Variants in ARID1A observed in about 807,000 individuals in gnomAD.
ARID1A encodes AT-rich interaction domain 1A, also known as AT-rich interactive domain-containing protein 1A.
In ARID1A, 20 loss-of-function variants were observed where a neutral mutation model predicts 212.6. The ratio of observed to expected loss-of-function variants is 0.09; its 90% CI spans 0.07 to 0.14. The LOEUF is 0.14. ARID1A is among the 10% of genes least tolerant of loss of function. The pLI, the probability that ARID1A is intolerant of heterozygous loss-of-function variation, is 1.00. For missense variants in ARID1A, 2,587 were observed against 3,059.0 expected (o/e 0.85, Z 3.64); for synonymous variants, 1,376 against 1,222.1 (o/e 1.13, Z -2.63).
chr1:26,776,074 C>A, intron 19 of ARID1A: 2 of 366,066 alleles, frequency 5.5e-6, no homozygotes, highest in South Asian at 4.2e-5. Flanking sequence ...TTCATGAACT[C>A]CTGAGTTCAA....
chr1:26,706,585 C>T (rs149249575), intron 1 of ARID1A, among the ~76,000 whole-genome samples: 17 of 152,272 alleles, frequency 1.1e-4, no homozygotes, highest in South Asian at 2.1e-4. Context: ...GCAAATTCAG[C>T]CACGTGGTAG....
intron 1 of ARID1A, 98 bp downstream of exon 1, chr1:26,697,638 C>G (rs1308225897): frequency 8.6e-7 from 1 of 1,161,062 alleles, no homozygotes; most frequent in African/African-American, 1.6e-5. Context: ...CCCCTCAGTC[C>G]CGGGCCCCCA....
In ARID1A at chr1:26,782,028, A is replaced by G. The variant is rs1356760783; in HGVS notation, c.*1272A>G. Reference sequence around the variant, plus strand: ...TTTTTTTCCTTTTTTGGCTTAATGAATATCATTTATTCAGTATGAAATCTT... The same window carrying G: ...TTTTTTTCCTTTTTTGGCTTAATGAGTATCATTTATTCAGTATGAAATCTT... On this transcript the variant is annotated 3_prime_UTR_variant, in exon 20 of 20. Coordinates refer to ENST00000324856, the MANE Select transcript of ARID1A (RefSeq NM_006015.6). The G allele has an allele frequency of 1.3e-5, 3 of 232,138 alleles. No homozygotes were observed. The highest frequency in any genetic ancestry group is 6.1e-5 in the East Asian group (1 of 16,286). 14.4% of individuals were successfully genotyped at this position (232,138 alleles called of 1,614,324 possible).
At chr1:26,776,829 A>G (rs868425112) in intron 19 of ARID1A, among the ~76,000 whole-genome samples, 1 of 152,170 alleles carries the variant, frequency 6.6e-6, no homozygotes, top group African/African-American at 2.4e-5. Flanking sequence ...AGGTATGGCC[A>G]TTTAGGGATG....
chr1:26,697,319 C>T lies in ARID1A; in HGVS notation c.916C>T (p.Arg306Trp). 1 of 1,343,614 alleles carries T rather than the reference C, an allele frequency of 7.4e-7. No homozygotes were observed. Among genetic ancestry groups the T allele is most frequent in the Non-Finnish European group, 9.5e-7 (1 of 1,053,884 alleles). The allele number at this position is 1,343,614 out of a possible 1,614,324, so 83.2% of individuals were successfully genotyped here. ...ACTGCTCACGTCGCCCAGCTCGGCCCGGGGCTACCAGGGCTACCCCGGGGG... is the reference window on the plus strand; with the variant it reads ...ACTGCTCACGTCGCCCAGCTCGGCCTGGGGCTACCAGGGCTACCCCGGGGG... ...NQLLTSPSSA[R>W]GYQGYPGGDY... Residue 306 changes from arginine (R) to tryptophan (W), a missense_variant, in exon 1 of 20, where the codon CGG becomes TGG. Physicochemically the swap from Arg to Trp is moderately radical, Grantham distance 101. This residue lies in a region of ARID1A where 735 missense variants were observed against 590.6 expected (regional missense o/e 1.24). Transcript: ENST00000324856.
At chr1:26,704,248 TG>T (rs1420669696) in intron 1 of ARID1A, among the ~76,000 whole-genome samples, 1 of 152,210 alleles carries the variant, frequency 6.6e-6, no homozygotes, top group Non-Finnish European at 1.5e-5. Context: ...GTTAAGTTCT[TG>T]GCTAGTTCAG....
chr1:26,758,813 A>G (rs771395407), intron 4 of ARID1A, among the ~76,000 whole-genome samples: 6 of 152,132 alleles, frequency 3.9e-5, no homozygotes, highest in Non-Finnish European at 5.9e-5. Flanking sequence ...AAAGTATGCT[A>G]TGGCATACCT....
intron 19 of ARID1A, among the ~76,000 whole-genome samples, chr1:26,777,491 C>T (rs890168841): frequency 4.0e-5 from 6 of 151,536 alleles, no homozygotes; most frequent in African/African-American, 1.5e-4. Context: ...CTCAGCCTCT[C>T]AAAGTACTAG....
At chr1:26,736,731 C>T (rs1159649662) in intron 4 of ARID1A, among the ~76,000 whole-genome samples, 11 of 150,682 alleles carry the variant, frequency 7.3e-5, no homozygotes, top group East Asian at 1.9e-4. Context: ...GGAGAAACCC[C>T]GTCTCTACTA....
intron 4 of ARID1A, among the ~76,000 whole-genome samples, chr1:26,752,123 A>C (rs1557602995): frequency 6.6e-6 from 1 of 152,204 alleles, no homozygotes; most frequent in Non-Finnish European, 1.5e-5. Flanking sequence ...TTGGTCCTAC[A>C]CTAAAAGGGT....
At chr1:26,768,272 C>G (rs977856685) in intron 11 of ARID1A, among the ~76,000 whole-genome samples, 1 of 152,182 alleles carries the variant, frequency 6.6e-6, no homozygotes, top group African/African-American at 2.4e-5. Context: ...TGTGGGCATT[C>G]TGATTCCATG....
In ARID1A at chr1:26,766,521, G is replaced by A. The variant is rs2124081828; in HGVS notation, c.2943G>A (p.Met981Ile). Residue 981 changes from methionine (M) to isoleucine (I), a missense_variant, in exon 10 of 20, where the codon ATG becomes ATA. Physicochemically the swap from Met to Ile is conservative, Grantham distance 10. Around this residue, in one of 11 missense-constraint regions of ARID1A, gnomAD observed 674 missense variants for 813.4 expected, o/e 0.83. Transcript: ENST00000324856. ...TAAAGTTAACTCCAGCCACCAAAAT[G>A]AACAACAAGGCAGATGGGACACCCA... ...GDVKLTPATK[M>I]NNKADGTPKT... 1.9e-6 allele frequency: 3 copies of A among 1,613,864 alleles called. No homozygotes were observed. The highest frequency in any genetic ancestry group is 2.5e-6 in the Non-Finnish European group (3 of 1,179,902).
At chr1:26,729,960 T>C in intron 2 of ARID1A, 97 bp downstream of exon 2, 12 of 1,409,316 alleles carry the variant, frequency 8.5e-6, no homozygotes, top group Non-Finnish European at 1.2e-5. Context: ...CCAAGCCTCT[T>C]GACAGGAATG....
intron 11 of ARID1A, among the ~76,000 whole-genome samples, chr1:26,768,584 G>A (rs529321766): frequency 6.6e-6 from 1 of 152,152 alleles, no homozygotes; most frequent in Non-Finnish European, 1.5e-5. Context: ...AGTAGAGATA[G>A]GATTTCAGGA....
At chr1:26,711,188 A>T (rs2080450262) in intron 1 of ARID1A, among the ~76,000 whole-genome samples, 1 of 151,412 alleles carries the variant, frequency 6.6e-6, no homozygotes, top group Non-Finnish European at 1.5e-5. Context: ...AGCTCATTGC[A>T]ACCTCCGCCT....
At chr1:26,749,071 A>G (rs1453441308) in intron 4 of ARID1A, among the ~76,000 whole-genome samples, 1 of 152,136 alleles carries the variant, frequency 6.6e-6, no homozygotes, top group Non-Finnish European at 1.5e-5. Flanking sequence ...AGGCTGAGGC[A>G]GGAGAATGGT....
At chr1:26,709,615 T>A (rs886317014) in intron 1 of ARID1A, among the ~76,000 whole-genome samples, 7 of 150,690 alleles carry the variant, frequency 4.6e-5, no homozygotes, top group Admixed American at 4.0e-4. Context: ...TACATCTGAG[T>A]TACTGTAATG....
At chr1:26,747,040 CAAA>C (rs1157679010) in intron 4 of ARID1A, among the ~76,000 whole-genome samples, 7 of 151,476 alleles carry the variant, frequency 4.6e-5, no homozygotes, top group Admixed American at 2.6e-4. Context: ...GACTCCGTGT[CAAA>C]AAAACAAAAC....
chr1:26,721,448 C>T (rs2080564340), intron 1 of ARID1A, among the ~76,000 whole-genome samples: 1 of 152,142 alleles, frequency 6.6e-6, no homozygotes, highest in African/African-American at 2.4e-5. Context: ...ATGATCCGCC[C>T]TCCTCGGCCT....
Sources: gnomAD v4.1 joint callset for allele counts (sites outside exome capture counted in the v4.1 genomes callset) on GRCh38, gnomAD v4.1.1 for gene constraint, gnomAD v4.1.1 regional missense constraint, MANE v1.5 for transcripts, NCBI Gene and HGNC (gene_info 2026-07-23, HGNC 2026-07-21) for gene names.